The following TAFA2 variants were observed in gnomAD, a reference collection of about 807,000 sequenced individuals.
The protein encoded by TAFA2 is chemokine-like protein TAFA-2.
Under a neutral mutation model 18.8 loss-of-function variants are expected in TAFA2, and 7 were observed. That is an observed-to-expected ratio of 0.37 (90% CI 0.21 to 0.70). The LOEUF (loss-of-function observed/expected upper bound fraction) is 0.70, where lower values mean the gene tolerates loss of function less well. Ranked by LOEUF, TAFA2 falls within the 30% of genes least tolerant of loss-of-function variation. The pLI, the probability that TAFA2 is intolerant of heterozygous loss-of-function variation, is 0.53. For missense variants in TAFA2, 122 were observed against 158.1 expected (o/e 0.77, Z 1.23); for synonymous variants, 60 against 54.2 (o/e 1.11, Z -0.47).
In TAFA2 at chr12:61,849,472, T is replaced by A. The variant is rs55704093; in HGVS notation, c.106+17848A>T. ...TGCTTGGTAAATTTAATTCCCAGCC[T>A]AGTATCTTGCTTATTTATTTTCATA... On this transcript the variant is annotated intron_variant, in intron 2 of 4. Coordinates refer to ENST00000416284, the MANE Select transcript of TAFA2 (RefSeq NM_178539.5). Among the ~76,000 whole-genome samples the A allele has an allele frequency of 3.7e-3, 566 of 152,342 alleles. 2 individuals carry two copies. Among genetic ancestry groups the A allele is most frequent in the African/African-American group, 0.013 (556 of 41,588 alleles).
rs11174357 is a variant in TAFA2 at position 62,161,965 on chromosome 12, T to A, written c.-2+29294A>T. Reference sequence around the variant, plus strand: ...ATGGTAAAATTGATTTCATTATACATCATTTCACTTAAGTCACAGTTTCTA... The same window carrying A: ...ATGGTAAAATTGATTTCATTATACAACATTTCACTTAAGTCACAGTTTCTA... On this transcript the variant is annotated intron_variant, in intron 1 of 4. Transcript: ENST00000416284. Among the ~76,000 whole-genome samples, 85 of 152,330 alleles carry A rather than the reference T, an allele frequency of 5.6e-4. 1 individual carries two copies. The East Asian group carries it at 0.013, about 24-fold the overall frequency.
At chr12:61,956,315 G>A (rs781190255) in intron 1 of TAFA2, among the ~76,000 whole-genome samples, 2 of 151,932 alleles carry the variant, frequency 1.3e-5, no homozygotes, top group Non-Finnish European at 2.9e-5. Flanking sequence ...GGTGGATAAA[G>A]AATTTCACTG....
At position 61,906,606 on chromosome 12, in the gene TAFA2, C is replaced by T. The variant is rs186629917; in HGVS notation, c.-1-39180G>A. On this transcript the variant is annotated intron_variant, in intron 1 of 4. Transcript: ENST00000416284. ...GTAGTGGGGTGCTTCTGTAAAGATA[C>T]CCGAAAATGTGGAAGTGACTTTGGA... Among the ~76,000 whole-genome samples, 149 of 152,146 alleles carry T rather than the reference C, an allele frequency of 9.8e-4. 1 individual carries two copies. In the South Asian group the frequency reaches 0.017, roughly 18 times the overall value.
At chr12:62,128,639 C>T (rs947699358) in intron 1 of TAFA2, among the ~76,000 whole-genome samples, 2 of 152,032 alleles carry the variant, frequency 1.3e-5, no homozygotes, top group African/African-American at 4.8e-5. Flanking sequence ...CATCTCTTTC[C>T]ATAGCTGTGC....
At chr12:62,201,827 T>C (rs1436410920) in intron 1 of TAFA2, among the ~76,000 whole-genome samples, 2 of 152,206 alleles carry the variant, frequency 1.3e-5, no homozygotes, top group Non-Finnish European at 2.9e-5. Flanking sequence ...CCAGTGCCTC[T>C]TCGTACCTCT....
At chr12:61,961,703 C>T (rs1001642209) in intron 1 of TAFA2, among the ~76,000 whole-genome samples, 1 of 151,950 alleles carries the variant, frequency 6.6e-6, no homozygotes, top group African/African-American at 2.4e-5. Flanking sequence ...CCTTTTACTC[C>T]TTCTCTATGT....
chr12:61,918,243 G>T (rs759045677), intron 1 of TAFA2, among the ~76,000 whole-genome samples: 4 of 151,864 alleles, frequency 2.6e-5, no homozygotes, highest in Non-Finnish European at 4.4e-5. Flanking sequence ...CAAATACTAG[G>T]TCTTATTTAT....
At chr12:61,778,758 C>T (rs1266884772) in intron 2 of TAFA2, among the ~76,000 whole-genome samples, 1 of 151,858 alleles carries the variant, frequency 6.6e-6, no homozygotes, top group Admixed American at 6.6e-5. Flanking sequence ...TATGTAATTC[C>T]TATAAACTTC....
At chr12:62,185,704 T>C (rs2062581671) in intron 1 of TAFA2, among the ~76,000 whole-genome samples, 1 of 152,182 alleles carries the variant, frequency 6.6e-6, no homozygotes, top group Non-Finnish European at 1.5e-5. Context: ...AAAATATAAG[T>C]ATAAATGTTG....
chr12:62,201,308 G>T (rs2062669671), intron 1 of TAFA2, among the ~76,000 whole-genome samples: 1 of 152,124 alleles, frequency 6.6e-6, no homozygotes, highest in Non-Finnish European at 1.5e-5. Context: ...GGGCATCCTT[G>T]TCTTATGCTG....
At chr12:61,808,807 A>G (rs1039166725) in intron 2 of TAFA2, among the ~76,000 whole-genome samples, 1 of 151,486 alleles carries the variant, frequency 6.6e-6, no homozygotes. Flanking sequence ...CAGTGCCTGC[A>G]GCGCATACGG....
At chr12:61,994,207 T>C (rs1441070755) in intron 1 of TAFA2, among the ~76,000 whole-genome samples, 1 of 152,158 alleles carries the variant, frequency 6.6e-6, no homozygotes, top group Non-Finnish European at 1.5e-5. Context: ...ATATCTCCAC[T>C]GAGAAAAGGG....
At chr12:61,873,044 A>G (rs1874686377) in intron 1 of TAFA2, among the ~76,000 whole-genome samples, 1 of 152,230 alleles carries the variant, frequency 6.6e-6, no homozygotes, top group Non-Finnish European at 1.5e-5. Flanking sequence ...AGCACATAGA[A>G]CATCACCTGG....
intron 2 of TAFA2, among the ~76,000 whole-genome samples, chr12:61,836,743 A>G (rs1012486328): frequency 7.0e-6 from 1 of 142,290 alleles, no homozygotes. Context: ...ATATATATAT[A>G]TATATATATA....
At position 62,021,866 on chromosome 12, in the gene TAFA2, G is replaced by A. The variant is rs17125675; in HGVS notation, c.-1-154440C>T. ...CAAAACTTCATGGATTTAGTCCTCCGTCCTCGGAGTTTCCCAGACACCATG... is the reference window on the plus strand; with the variant it reads ...CAAAACTTCATGGATTTAGTCCTCCATCCTCGGAGTTTCCCAGACACCATG... On this transcript the variant is annotated intron_variant, in intron 1 of 4. Coordinates refer to ENST00000416284, the MANE Select transcript of TAFA2 (RefSeq NM_178539.5). The A allele has an allele frequency of 5.8e-3, 4,468 of 771,234 alleles. 157 individuals carry two copies. In the African/African-American group the frequency reaches 0.068, roughly 12 times the overall value. The allele number at this position is 771,234 out of a possible 1,614,324, so 47.8% of individuals were successfully genotyped here. A position where few individuals can be genotyped will look rare whatever the true frequency, so the allele number is the denominator to read the frequency against.
At chr12:61,946,171 A>T (rs1206842687) in intron 1 of TAFA2, among the ~76,000 whole-genome samples, 18 of 150,622 alleles carry the variant, frequency 1.2e-4, no homozygotes, top group African/African-American at 4.2e-4. Flanking sequence ...CAACTATCTG[A>T]TCTTTGACAA....
intron 1 of TAFA2, among the ~76,000 whole-genome samples, chr12:62,124,874 A>G (rs191889856): frequency 6.6e-6 from 1 of 152,286 alleles, no homozygotes; most frequent in Non-Finnish European, 1.5e-5. Flanking sequence ...ATTGTCAAAT[A>G]ATGCACTGTT....
chr12:62,152,174 C>T (rs1195012818), intron 1 of TAFA2, among the ~76,000 whole-genome samples: 2 of 152,304 alleles, frequency 1.3e-5, no homozygotes, highest in Admixed American at 6.5e-5. Flanking sequence ...CTGCCACACT[C>T]ATTAGAGAGC....
intron 1 of TAFA2, among the ~76,000 whole-genome samples, chr12:62,147,729 CAAAAAA>C (rs10552283): frequency 1.2e-4 from 9 of 76,394 alleles, no homozygotes; most frequent in African/African-American, 1.7e-4. Context: ...GACTCTGTCT[CAAAAAA>C]AAAAAAAAAA....
Sources: gnomAD v4.1 joint callset for allele counts (sites outside exome capture counted in the v4.1 genomes callset) on GRCh38, gnomAD v4.1.1 for gene constraint, MANE v1.5 for transcripts, NCBI Gene and HGNC (gene_info 2026-07-23, HGNC 2026-07-21) for gene names.